GRK5: variants seen among roughly 807,000 people sequenced by gnomAD.
The protein encoded by GRK5 is g protein-coupled receptor kinase GRK5.
A neutral mutation model predicts 78.4 loss-of-function variants in GRK5; 40 were observed. That is an observed-to-expected ratio of 0.51 (90% CI 0.40 to 0.66). The LOEUF is 0.66. Among genes scored for constraint, GRK5 ranks in the 30% least tolerant of loss-of-function variants. The pLI, the probability that GRK5 is intolerant of heterozygous loss-of-function variation, is 0.00. For missense variants in GRK5, 598 were observed against 759.9 expected (o/e 0.79, Z 2.50); for synonymous variants, 289 against 296.8 (o/e 0.97, Z 0.27).
intron 1 of GRK5, among the ~76,000 whole-genome samples, chr10:119,242,986 C>T (rs983906415): frequency 6.6e-6 from 1 of 152,188 alleles, no homozygotes; most frequent in Non-Finnish European, 1.5e-5. Flanking sequence ...CGCCTATAAT[C>T]CCAGCACTTT....
chr10:119,402,463 G>T (rs903561258), intron 4 of GRK5, among the ~76,000 whole-genome samples: 1 of 152,154 alleles, frequency 6.6e-6, no homozygotes, highest in African/African-American at 2.4e-5. Context: ...GGGTCACTCC[G>T]AGCTGAGGTG....
rs1226110189 is a variant in GRK5 at position 119,422,004 on chromosome 10, C to T, written c.340-1162C>T. 2.0e-5 allele frequency among the ~76,000 whole-genome samples: 3 copies of T among 152,296 alleles called. No homozygotes were observed. The South Asian group carries it at 6.2e-4, about 32-fold the overall frequency. On this transcript the variant is annotated intron_variant, in intron 4 of 15. Transcript: ENST00000392870. ...CCAGTGGACTCTTAGCAAATCAGCC[C>T]CATAGGGAAGAGGAGGCAAGGCTTT...
intron 1 of GRK5, among the ~76,000 whole-genome samples, chr10:119,261,040 C>T (rs1361825102): frequency 1.0e-4 from 12 of 117,566 alleles, no homozygotes; most frequent in South Asian, 3.1e-4. Flanking sequence ...GGGGGCTGAC[C>T]CCCCCACCTC....
chr10:119,347,124 G>A (rs772143664), intron 2 of GRK5, among the ~76,000 whole-genome samples: 2 of 152,146 alleles, frequency 1.3e-5, no homozygotes, highest in Admixed American at 6.5e-5. Flanking sequence ...GTTGCCTCTC[G>A]GCCTTCCACA....
At chr10:119,209,059 G>C (rs998253622) in intron 1 of GRK5, among the ~76,000 whole-genome samples, 3 of 152,120 alleles carry the variant, frequency 2.0e-5, no homozygotes, top group African/African-American at 7.2e-5. Flanking sequence ...AGGATACTCG[G>C]TGAGCAGCCC....
rs980947503 is a variant in GRK5, at chr10:119,378,681, T to C, written c.149-2134T>C. 7.9e-5 allele frequency among the ~76,000 whole-genome samples: 12 copies of C among 152,098 alleles called. No individual in the cohort carries two copies. The highest frequency in any genetic ancestry group is 2.0e-4 in the Admixed American group (3 of 15,284). Reference sequence around the variant, plus strand: ...CGCTTGTGTGCGGGCTGCGCCTCCGTGGGCTCTCGCTGCGTGGGGGGAAGG... The same window carrying C: ...CGCTTGTGTGCGGGCTGCGCCTCCGCGGGCTCTCGCTGCGTGGGGGGAAGG... On this transcript the variant is annotated intron_variant, in intron 2 of 15. Transcript: ENST00000392870. This position sits in a 1 kb window ranked among gnomAD's most constrained non-coding sequence, Gnocchi z 4.5.
intron 9 of GRK5, among the ~76,000 whole-genome samples, chr10:119,438,189 A>C (rs545785032): frequency 2.4e-4 from 37 of 152,190 alleles, no homozygotes; most frequent in African/African-American, 7.9e-4. Context: ...TGACATCTGG[A>C]GTGGGTCGCT....
rs1177940254 is a variant in GRK5, at chr10:119,329,857, CTT to C, written c.148+3268_148+3269del. On this transcript the variant is annotated intron_variant, in intron 2 of 15. Coordinates refer to ENST00000392870, the MANE Select transcript of GRK5 (RefSeq NM_005308.3). ...CACACGCCAGCAACGCAGACACCTA[CTT>C]TTTTTTTTTTTTTTTTTTTTTGAGA... is the stretch of plus-strand genomic sequence containing the variant. Among the ~76,000 whole-genome samples the C allele has an allele frequency of 1.2e-4, 13 of 110,384 alleles. No homozygotes were observed. The South Asian group carries it at 3.8e-3, about 33-fold the overall frequency. 72.4% of individuals were successfully genotyped at this position (110,384 alleles called of 152,430 possible). A position where few individuals can be genotyped will look rare whatever the true frequency, so the allele number is the denominator to read the frequency against.
rs1186065242 is a variant in GRK5 at position 119,431,344 on chromosome 10, T to C, written c.598-43T>C. On this transcript the variant is annotated intron_variant, in intron 7 of 15. Coordinates refer to ENST00000392870, the MANE Select transcript of GRK5 (RefSeq NM_005308.3). The surrounding 1 kb of genome is among the most constrained non-coding windows in gnomAD (Gnocchi z 4.8). ...GCCCTGGAGGAGCTCGGGGCAGGCC[T>C]CCACGGTGCTCCTGCCACCCTGGTT... 1 of 1,591,682 alleles carries C rather than the reference T, an allele frequency of 6.3e-7. No individual in the cohort carries two copies. Among genetic ancestry groups the C allele is most frequent in the Non-Finnish European group, 8.6e-7 (1 of 1,168,770 alleles).
chr10:119,363,556 G>A (rs191274373), intron 2 of GRK5, among the ~76,000 whole-genome samples: 65 of 152,300 alleles, frequency 4.3e-4, no homozygotes, highest in Non-Finnish European at 7.9e-4. Context: ...TGCTGGGGTT[G>A]GGGTCTACTA....
chr10:119,208,297 A>G (rs1848424063), intron 1 of GRK5, among the ~76,000 whole-genome samples: 1 of 152,168 alleles, frequency 6.6e-6, no homozygotes. Flanking sequence ...CGACGAGCAA[A>G]CATGCACATA....
intron 2 of GRK5, among the ~76,000 whole-genome samples, chr10:119,346,166 C>T (rs1851088911): frequency 6.6e-6 from 1 of 152,180 alleles, no homozygotes; most frequent in Admixed American, 6.5e-5. Flanking sequence ...TCTGCGGGAG[C>T]CCAGAAGTGT....
chr10:119,448,391 C>T (rs1443293778), intron 13 of GRK5, 131 bp downstream of exon 13: 5 of 989,446 alleles, frequency 5.1e-6, no homozygotes, highest in Non-Finnish European at 7.3e-6. Context: ...AGGGTCCCCT[C>T]CCGGCCACTC....
rs890142079 is a variant in GRK5, at chr10:119,217,507, C to G, written c.52+9538C>G. ...ACCTGTACTCTCTCGCTGCCTGGGC[C>G]CCTCCTACCAACACATCGGACAAGC... On this transcript the variant is annotated intron_variant, in intron 1 of 15. Coordinates refer to ENST00000392870, the MANE Select transcript of GRK5 (RefSeq NM_005308.3). This position sits in a 1 kb window ranked among gnomAD's most constrained non-coding sequence, Gnocchi z 4.1. Among the ~76,000 whole-genome samples the G allele has an allele frequency of 4.6e-5, 7 of 152,220 alleles. No homozygotes were observed. The highest frequency in any genetic ancestry group is 1.0e-4 in the Non-Finnish European group (7 of 68,034).
chr10:119,303,918 C>T (rs1389298814), intron 1 of GRK5, among the ~76,000 whole-genome samples: 7 of 152,124 alleles, frequency 4.6e-5, no homozygotes, highest in Non-Finnish European at 1.0e-4. Flanking sequence ...ACTCATCTCC[C>T]ACTGCATGGT....
At chr10:119,214,020 G>A (rs985935628) in intron 1 of GRK5, among the ~76,000 whole-genome samples, 1 of 152,170 alleles carries the variant, frequency 6.6e-6, no homozygotes, top group Non-Finnish European at 1.5e-5. Context: ...TGTCGCGCAG[G>A]CTAGACTGCA....
At chr10:119,261,284 C>T (rs1236382506) in intron 1 of GRK5, among the ~76,000 whole-genome samples, 91 of 144,482 alleles carry the variant, frequency 6.3e-4, no homozygotes, top group Middle Eastern at 4.1e-3. Flanking sequence ...CAGAGGCGCT[C>T]CTCACATCCC....
chr10:119,248,991 G>A (rs1187306492), intron 1 of GRK5, among the ~76,000 whole-genome samples: 1 of 152,158 alleles, frequency 6.6e-6, no homozygotes, highest in Non-Finnish European at 1.5e-5. Flanking sequence ...GATACTAGCT[G>A]GGCGCGGTGG....
At chr10:119,218,598 T>C (rs1848612302) in intron 1 of GRK5, among the ~76,000 whole-genome samples, 1 of 152,118 alleles carries the variant, frequency 6.6e-6, no homozygotes, top group South Asian at 2.1e-4. Context: ...TGTTGGGATA[T>C]GTAGATAACA....
Sources: gnomAD v4.1 joint callset for allele counts (sites outside exome capture counted in the v4.1 genomes callset) on GRCh38, gnomAD v4.1.1 for gene constraint, Gnocchi (gnomAD v3.1) non-coding constraint, MANE v1.5 for transcripts, NCBI Gene and HGNC (gene_info 2026-07-23, HGNC 2026-07-21) for gene names.